The following MAGI2 variants were observed in gnomAD, a reference collection of about 807,000 sequenced individuals.
MAGI2 encodes the protein membrane associated guanylate kinase, WW and PDZ domain containing 2, also known as membrane-associated guanylate kinase, WW and PDZ domain-containing protein 2.
Under a neutral mutation model 133.3 loss-of-function variants are expected in MAGI2, and 35 were observed. The observed-to-expected ratio is 0.26, with a 90% CI of 0.20 to 0.35. MAGI2 has a LOEUF of 0.35. MAGI2 is among the 10% of genes least tolerant of loss of function. MAGI2 has a pLI of 1.00. For synonymous variants in MAGI2, 729 were observed against 710.6 expected (o/e 1.03, Z -0.41); for missense variants, 1,636 against 1,863.4 (o/e 0.88, Z 2.25).
intron 6 of MAGI2, among the ~76,000 whole-genome samples, chr7:78,466,758 G>A (rs147304936): frequency 0.011 from 1,746 of 152,206 alleles, 30 homozygotes; most frequent in African/African-American, 0.04. Context: ...TAATAGACAG[G>A]ATAATCCTAC....
At chr7:79,216,563 T>C (rs1231366050) in intron 1 of MAGI2, among the ~76,000 whole-genome samples, 2 of 151,914 alleles carry the variant, frequency 1.3e-5, no homozygotes, top group African/African-American at 4.8e-5. Flanking sequence ...CCCTAGACAC[T>C]ACTGTGGGTC....
chr7:78,352,174 T>A (rs1791589255), intron 7 of MAGI2, among the ~76,000 whole-genome samples: 1 of 152,184 alleles, frequency 6.6e-6, no homozygotes, highest in Non-Finnish European at 1.5e-5. Flanking sequence ...GTCTCTTGAC[T>A]AGACACTATG....
At chr7:78,203,048 C>T (rs1435405693) in intron 10 of MAGI2, among the ~76,000 whole-genome samples, 1 of 152,124 alleles carries the variant, frequency 6.6e-6, no homozygotes, top group Non-Finnish European at 1.5e-5. Context: ...GCTGATTGAC[C>T]ATTGTCTTCA....
At chr7:78,802,701 G>A (rs1348563845) in intron 2 of MAGI2, among the ~76,000 whole-genome samples, 2 of 151,934 alleles carry the variant, frequency 1.3e-5, no homozygotes, top group Non-Finnish European at 2.9e-5. Flanking sequence ...AAGAATGAAC[G>A]CTAATATGAA....
At chr7:78,404,560 A>C (rs921399619) in intron 6 of MAGI2, among the ~76,000 whole-genome samples, 2 of 151,834 alleles carry the variant, frequency 1.3e-5, no homozygotes, top group East Asian at 1.9e-4. Context: ...CAAAAAGAAG[A>C]AATGGGGAAA....
chr7:79,329,460 A>G (rs188103182), intron 1 of MAGI2, among the ~76,000 whole-genome samples: 216 of 152,388 alleles, frequency 1.4e-3, no homozygotes, highest in African/African-American at 5.0e-3. Context: ...TATAATATTT[A>G]AACATTGCCA....
chr7:78,171,885 T>TTTTG (rs1234929916), intron 14 of MAGI2, among the ~76,000 whole-genome samples: 3 of 102,896 alleles, frequency 2.9e-5, no homozygotes, highest in Non-Finnish European at 6.1e-5. Context: ...AGGAGGGTTT[T>TTTTG]TTTGTTTGTT....
intron 3 of MAGI2, among the ~76,000 whole-genome samples, chr7:78,544,128 T>C (rs1017102825): frequency 6.6e-6 from 1 of 152,166 alleles, no homozygotes; most frequent in Non-Finnish European, 1.5e-5. Context: ...GGACTGGAAA[T>C]GGAATATGAA....
chr7:78,542,659 AAAG>A (rs1798509739), intron 3 of MAGI2, among the ~76,000 whole-genome samples: 1 of 152,158 alleles, frequency 6.6e-6, no homozygotes, highest in Admixed American at 6.5e-5. Context: ...AGTCCCTGGG[AAAG>A]AAGGAGCATG....
At chr7:78,108,148 T>G (rs1818888132) in intron 20 of MAGI2, among the ~76,000 whole-genome samples, 1 of 152,116 alleles carries the variant, frequency 6.6e-6, no homozygotes, top group Admixed American at 6.5e-5. Context: ...TTTTGCTGTA[T>G]CTCATAGGTT....
chr7:79,445,521 T>C (rs187456028), intron 1 of MAGI2, among the ~76,000 whole-genome samples: 27 of 152,282 alleles, frequency 1.8e-4, no homozygotes, highest in African/African-American at 6.0e-4. Context: ...GAACAGACAC[T>C]TCTCAAAAGA....
chr7:79,141,749 G>GT lies in MAGI2; in HGVS notation c.302-134544dup, dbSNP rs67303889. The stretch of plus-strand genomic sequence containing the variant: ...TTGAATTCTCGTTGGCTTTGTTCGT[G>GT]TTTTTTTTTTCGCAGATCTGGAAGA... On this transcript the variant is annotated intron_variant, in intron 1 of 21. Transcript: ENST00000354212. Among the ~76,000 whole-genome samples, 1,018 of 146,552 alleles carry GT rather than the reference G, an allele frequency of 6.9e-3. 13 individuals carry two copies. Among genetic ancestry groups the GT allele is most frequent in the African/African-American group, 0.021 (864 of 40,312 alleles).
intron 18 of MAGI2, among the ~76,000 whole-genome samples, chr7:78,128,973 G>T (rs1451153023): frequency 2.0e-5 from 3 of 152,162 alleles, no homozygotes; most frequent in African/African-American, 7.2e-5. Flanking sequence ...AATTAAACTG[G>T]GTGACATTTG....
chr7:79,201,938 AC>A (rs746692773), intron 1 of MAGI2, among the ~76,000 whole-genome samples: 1 of 152,048 alleles, frequency 6.6e-6, no homozygotes, highest in East Asian at 1.9e-4. Flanking sequence ...AAAATTAGGT[AC>A]AAAAATGGTT....
At chr7:78,760,095 A>G (rs1043046350) in intron 2 of MAGI2, among the ~76,000 whole-genome samples, 5 of 151,496 alleles carry the variant, frequency 3.3e-5, no homozygotes, top group South Asian at 4.2e-4. Flanking sequence ...CAGCCTGGGC[A>G]ACAGAGCGAG....
intron 1 of MAGI2, among the ~76,000 whole-genome samples, chr7:79,383,742 G>GA (rs1271203840): frequency 1.3e-5 from 2 of 151,196 alleles, no homozygotes; most frequent in Non-Finnish European, 3.0e-5. Flanking sequence ...TAAGCCAAAA[G>GA]AAAAAATACA....
chr7:78,492,009 T>C (rs1793667072), intron 5 of MAGI2, among the ~76,000 whole-genome samples: 1 of 151,924 alleles, frequency 6.6e-6, no homozygotes, highest in Non-Finnish European at 1.5e-5. Context: ...CACCTGCTTC[T>C]TCCAAATCCT....
intron 2 of MAGI2, chr7:78,946,911 G>A (rs1801461321): frequency 6.6e-6 from 1 of 152,150 alleles, no homozygotes; most frequent in South Asian, 2.1e-4. Context: ...ATCCATCTAG[G>A]TGAAAACACA....
chr7:78,387,691 C>T (rs566537176), intron 6 of MAGI2, among the ~76,000 whole-genome samples: 9 of 152,268 alleles, frequency 5.9e-5, no homozygotes, highest in African/African-American at 1.7e-4. Context: ...CTTTGAGAGG[C>T]TGAGGCGGGC....
Sources: allele counts gnomAD v4.1 joint callset (sites outside exome capture counted in the v4.1 genomes callset), GRCh38; gene constraint gnomAD v4.1.1; transcripts MANE v1.5; gene names NCBI Gene and HGNC (gene_info 2026-07-23, HGNC 2026-07-21).